The following LCOR variants were observed in gnomAD, a reference collection of about 807,000 sequenced individuals.
LCOR encodes the protein ligand dependent nuclear receptor corepressor.
A neutral mutation model predicts 64.4 loss-of-function variants in LCOR; 14 were observed. That is an observed-to-expected ratio of 0.22 (90% CI 0.14 to 0.34). The LOEUF (loss-of-function observed/expected upper bound fraction) is 0.34. Ranked by LOEUF, LCOR falls within the 10% of genes least tolerant of loss-of-function variation. LCOR has a pLI of 1.00. For synonymous variants in LCOR, 643 were observed against 642.5 expected, an observed-to-expected ratio of 1.00 and a Z score of -0.01; for missense variants, 1,686 against 1,765.3, an observed-to-expected ratio of 0.96 and a Z score of 0.80.
intron 2 of LCOR, among the ~76,000 whole-genome samples, chr10:96,847,174 G>A (rs1434236180): frequency 6.6e-6 from 1 of 152,020 alleles, no homozygotes; most frequent in African/African-American, 2.4e-5. Flanking sequence ...AGCCTGGGAG[G>A]TCAAGCCTGC....
rs766400789 is a variant in LCOR at position 96,955,601 on chromosome 10, A to G, written c.332+3405A>G. On this transcript the variant is annotated intron_variant, in intron 7 of 7. Coordinates refer to ENST00000421806, the MANE Select transcript of LCOR (RefSeq NM_001346516.2). ...CTACCTCTGGACAGCCATATCCCAC[A>G]TCGGATCAAGAAGGAGACCCTGGCT... is the stretch of plus-strand genomic sequence containing the variant. 6 of 1,614,080 alleles carry G rather than the reference A, an allele frequency of 3.7e-6. No individual in the cohort carries two copies. The East Asian group carries it at 8.9e-5, about 24-fold the overall frequency.
chr10:96,937,282 T>C (rs1335033505), intron 4 of LCOR, among the ~76,000 whole-genome samples: 2 of 152,218 alleles, frequency 1.3e-5, no homozygotes, highest in Non-Finnish European at 2.9e-5. Context: ...GGAAGGACTC[T>C]TCTCTAGACC....
At chr10:96,958,735 C>T (rs914974101) in intron 7 of LCOR, 2 of 325,366 alleles carry the variant, frequency 6.1e-6, no homozygotes, top group African/African-American at 4.2e-5. Context: ...ATATTTCCTC[C>T]AAAGGTCTCT....
intron 2 of LCOR, among the ~76,000 whole-genome samples, chr10:96,885,050 C>A (rs1336380804): frequency 2.0e-5 from 3 of 152,152 alleles, no homozygotes; most frequent in African/African-American, 7.2e-5. Context: ...ACATACTTCT[C>A]TGAATAGTTT....
chr10:96,878,792 TCTCCC>T (rs371109957), intron 2 of LCOR, among the ~76,000 whole-genome samples: 2 of 152,044 alleles, frequency 1.3e-5, no homozygotes, highest in South Asian at 2.1e-4. Context: ...CCTTCTCTCT[TCTCCC>T]CTCCCCTCCC....
chr10:96,883,883 A>C (rs192445314), intron 2 of LCOR, among the ~76,000 whole-genome samples: 2 of 152,296 alleles, frequency 1.3e-5, no homozygotes, highest in East Asian at 3.9e-4. Flanking sequence ...ACATGTTTTG[A>C]TACATGTGTA....
chr10:96,855,834 C>T (rs1426310283), intron 2 of LCOR, among the ~76,000 whole-genome samples: 12 of 151,836 alleles, frequency 7.9e-5, no homozygotes, highest in Admixed American at 2.6e-4. Flanking sequence ...CTCTGCCTTC[C>T]GGGTTCAAGC....
chr10:96,944,943 G>A (rs1023024933), intron 5 of LCOR, among the ~76,000 whole-genome samples: 2 of 152,048 alleles, frequency 1.3e-5, no homozygotes, highest in Admixed American at 6.6e-5. Flanking sequence ...TATTCACAAA[G>A]CATAATTACC....
chr10:96,937,044 T>C (rs1847363312), intron 4 of LCOR, among the ~76,000 whole-genome samples: 2 of 152,240 alleles, frequency 1.3e-5, no homozygotes, highest in Admixed American at 6.5e-5. Context: ...AGGGGACCAC[T>C]GTAAGGTCTT....
At position 96,982,995 on chromosome 10, in the gene LCOR, C is replaced by T. The variant is rs778700192; in HGVS notation, c.2535C>T (p.Ile845=). 46 of 1,613,362 alleles carry T rather than the reference C, an allele frequency of 2.9e-5. No individual in the cohort carries two copies. The highest frequency in any genetic ancestry group is 3.4e-5 in the Non-Finnish European group (40 of 1,179,808). Residue 845 remains isoleucine, a synonymous_variant, in exon 8 of 8, where the codon ATC becomes ATT. Transcript: ENST00000421806. The part of the protein sequence containing the change: ...SSDSSSACLE[I]KVPKNPSAKR... ...ATTCTTCCTCAGCTTGTCTTGAAAT[C>T]AAAGTTCCTAAAAATCCTAGTGCAA...
chr10:96,957,470 G>A (rs991253239), intron 7 of LCOR: 6 of 985,294 alleles, frequency 6.1e-6, no homozygotes, highest in Non-Finnish European at 7.2e-6. Context: ...ATTACTATTT[G>A]TGCAAAACAA....
chr10:96,891,699 C>T (rs115332951), intron 2 of LCOR, among the ~76,000 whole-genome samples: 557 of 151,626 alleles, frequency 3.7e-3, no homozygotes, highest in African/African-American at 0.013. Context: ...CACGCCACCA[C>T]GTCCAACTAA....
At position 96,929,206 on chromosome 10, in the gene LCOR, G is replaced by A. The variant is rs115590424; in HGVS notation, c.-183-14907G>A. On this transcript the variant is annotated intron_variant, in intron 4 of 7. Coordinates refer to ENST00000421806, the MANE Select transcript of LCOR (RefSeq NM_001346516.2). ...AAGCTTTGAAGCCAGGCATTGACTTGTCCTCTCTCACTATGAAAGTCCTTG... is the reference window on the plus strand; with the variant it reads ...AAGCTTTGAAGCCAGGCATTGACTTATCCTCTCTCACTATGAAAGTCCTTG... Among the ~76,000 whole-genome samples the A allele has an allele frequency of 3.5e-3, 538 of 152,316 alleles. 3 individuals carry two copies. Among genetic ancestry groups the A allele is most frequent in the African/African-American group, 0.012 (496 of 41,568 alleles).
In LCOR at chr10:96,869,279, C is replaced by G. The variant is rs184220509; in HGVS notation, c.-330+35800C>G. Among the ~76,000 whole-genome samples, 95 of 152,236 alleles carry G rather than the reference C, an allele frequency of 6.2e-4. 1 individual carries two copies. The highest frequency in any genetic ancestry group is 6.8e-3 in the Middle Eastern group (2 of 294). On this transcript the variant is annotated intron_variant, in intron 2 of 7. Coordinates refer to ENST00000421806, the MANE Select transcript of LCOR (RefSeq NM_001346516.2). ...TCAGGGTGGAGTGCAGTGGCCTGAT[C>G]TCGGCCCATTACAGCCTCCACCTTC...
At chr10:96,866,541 T>C (rs1845977235) in intron 2 of LCOR, among the ~76,000 whole-genome samples, 1 of 152,174 alleles carries the variant, frequency 6.6e-6, no homozygotes, top group East Asian at 1.9e-4. Context: ...GGGTCCTAGG[T>C]TGGAGATAGA....
intron 2 of LCOR, among the ~76,000 whole-genome samples, chr10:96,855,542 C>A (rs1845788987): frequency 6.6e-6 from 1 of 151,824 alleles, no homozygotes; most frequent in Non-Finnish European, 1.5e-5. Flanking sequence ...TCAAGCAATT[C>A]TCCTGCCTCA....
chr10:96,836,310 C>T (rs1278062888), intron 2 of LCOR, among the ~76,000 whole-genome samples: 1 of 151,924 alleles, frequency 6.6e-6, no homozygotes, highest in Non-Finnish European at 1.5e-5. Flanking sequence ...TTTTTAGAGA[C>T]AGGGTTTGGC....
intron 4 of LCOR, among the ~76,000 whole-genome samples, chr10:96,914,148 G>A (rs1264633111): frequency 6.6e-6 from 1 of 152,078 alleles, no homozygotes; most frequent in Non-Finnish European, 1.5e-5. Context: ...CTTCCAATTC[G>A]TGAATATGCA....
chr10:96,975,255 C>A (rs868149968), intron 7 of LCOR, among the ~76,000 whole-genome samples: 22 of 152,284 alleles, frequency 1.4e-4, no homozygotes, highest in African/African-American at 5.3e-4. Flanking sequence ...CTTTGAGGCA[C>A]AGCCAAAACT....
Sources: allele counts gnomAD v4.1 joint callset (sites outside exome capture counted in the v4.1 genomes callset), GRCh38; gene constraint gnomAD v4.1.1; transcripts MANE v1.5; gene names NCBI Gene and HGNC (gene_info 2026-07-23, HGNC 2026-07-21).